ADAMTSL1: variants seen among roughly 807,000 people sequenced by gnomAD.
ADAMTSL1 encodes the protein ADAMTS like 1.
A neutral mutation model predicts 201.8 loss-of-function variants in ADAMTSL1; 126 were observed. The ratio of observed to expected loss-of-function variants is 0.62; its 90% CI spans 0.54 to 0.72. The LOEUF is 0.72. Ranked by LOEUF, ADAMTSL1 falls within the 30% of genes least tolerant of loss-of-function variation. The probability of loss-of-function intolerance (pLI) is 0.00; values close to 1 mark genes in which losing one functional copy is unlikely to be tolerated. For synonymous variants in ADAMTSL1, 1,121 were observed against 903.4 expected (o/e 1.24, Z -4.32); for missense variants, 2,679 against 2,277.8 (o/e 1.18, Z -3.59).
intron 1 of ADAMTSL1, among the ~76,000 whole-genome samples, chr9:17,971,810 C>T (rs1194795610): frequency 3.3e-5 from 5 of 151,718 alleles, no homozygotes; most frequent in Non-Finnish European, 7.4e-5. Flanking sequence ...GGAGATTATC[C>T]TTTTTATTAT....
chr9:18,833,746 A>C (rs1226189313), intron 23 of ADAMTSL1, among the ~76,000 whole-genome samples: 1 of 152,072 alleles, frequency 6.6e-6, no homozygotes, highest in Non-Finnish European at 1.5e-5. Context: ...TGGTGTCTTC[A>C]TCATGAAACC....
intron 1 of ADAMTSL1, among the ~76,000 whole-genome samples, chr9:17,997,989 A>G (rs1196394040): frequency 1.3e-5 from 2 of 152,040 alleles, no homozygotes; most frequent in Non-Finnish European, 2.9e-5. Flanking sequence ...ATAGAAATAG[A>G]AGCAGTATTC....
intron 23 of ADAMTSL1, among the ~76,000 whole-genome samples, chr9:18,868,139 A>G (rs1211166689): frequency 1.3e-5 from 2 of 152,156 alleles, no homozygotes; most frequent in Admixed American, 1.3e-4. Flanking sequence ...TTTTTATTTC[A>G]GAAAATATAT....
chr9:18,177,666 T>G (rs1563787812), intron 2 of ADAMTSL1, among the ~76,000 whole-genome samples: 1 of 152,040 alleles, frequency 6.6e-6, no homozygotes, highest in African/African-American at 2.4e-5. Context: ...TTCCAGCCAG[T>G]GAGAAAGAGG....
intron 1 of ADAMTSL1, among the ~76,000 whole-genome samples, chr9:17,924,160 C>T (rs1826423686): frequency 6.6e-6 from 1 of 150,966 alleles, no homozygotes; most frequent in South Asian, 2.1e-4. Flanking sequence ...TGGGAGGATT[C>T]CCTCTTTTTC....
At chr9:18,031,134 G>C (rs1189656399) in intron 1 of ADAMTSL1, among the ~76,000 whole-genome samples, 1 of 152,098 alleles carries the variant, frequency 6.6e-6, no homozygotes, top group Non-Finnish European at 1.5e-5. Flanking sequence ...TTGCCGTCCA[G>C]ATTTTGAATT....
At chr9:18,034,231 C>T (rs116193609) in intron 1 of ADAMTSL1, among the ~76,000 whole-genome samples, 28 of 152,248 alleles carry the variant, frequency 1.8e-4, no homozygotes, top group African/African-American at 6.0e-4. Context: ...AGAAGCTAGC[C>T]TTCATTTCCC....
chr9:17,972,734 G>A (rs1156785567), intron 1 of ADAMTSL1, among the ~76,000 whole-genome samples: 2 of 150,022 alleles, frequency 1.3e-5, no homozygotes, highest in African/African-American at 4.9e-5. Flanking sequence ...CTGAGGAATT[G>A]CCACACTGAC....
Position 18,136,585 on chromosome 9 carries a change from T to C in ADAMTSL1, c.88-27277T>C, listed in dbSNP as rs755014659. ...CAGGAGAGAAAAGGGCTAGCTCTGTTTGTGGAAGTCAACTTGGGCTTCACA... is the reference window on the plus strand; with the variant it reads ...CAGGAGAGAAAAGGGCTAGCTCTGTCTGTGGAAGTCAACTTGGGCTTCACA... On this transcript the variant is annotated intron_variant, in intron 1 of 29. Transcript: ENST00000680146. 2.0e-5 allele frequency among the ~76,000 whole-genome samples: 3 copies of C among 152,016 alleles called. No homozygotes were observed. The South Asian group carries it at 6.2e-4, about 32-fold the overall frequency.
intron 1 of ADAMTSL1, among the ~76,000 whole-genome samples, chr9:18,091,596 C>T (rs753436423): frequency 7.9e-5 from 12 of 152,114 alleles, no homozygotes; most frequent in Non-Finnish European, 1.6e-4. Flanking sequence ...ACATTTGGGT[C>T]CTGATGCCAG....
intron 2 of ADAMTSL1, among the ~76,000 whole-genome samples, chr9:18,419,309 C>A (rs756336362): frequency 2.0e-4 from 30 of 152,052 alleles, no homozygotes; most frequent in Non-Finnish European, 3.5e-4. Flanking sequence ...TTAGACATGA[C>A]TCAAAAAAGC....
intron 14 of ADAMTSL1, among the ~76,000 whole-genome samples, chr9:18,718,934 G>C (rs1050816111): frequency 1.2e-4 from 18 of 152,264 alleles, no homozygotes; most frequent in African/African-American, 4.3e-4. Flanking sequence ...CTACCAAACA[G>C]GTAAATGAGT....
rs145062662 is a variant in ADAMTSL1, at chr9:18,689,611, A to C, written c.1574+4811A>C. Among the ~76,000 whole-genome samples the C allele has an allele frequency of 3.3e-5, 5 of 152,340 alleles. No individual in the cohort carries two copies. In the East Asian group the frequency reaches 9.6e-4, roughly 29 times the overall value. On this transcript the variant is annotated intron_variant, in intron 13 of 28. Transcript: ENST00000380548. ...CTCCAAAACAAGGCATCCCAGGTAG[A>C]GAAAGTGAGGACCAGTGCGGCACTT...
chr9:18,161,050 G>C (rs990195864), intron 1 of ADAMTSL1, among the ~76,000 whole-genome samples: 1 of 151,466 alleles, frequency 6.6e-6, no homozygotes, highest in Non-Finnish European at 1.5e-5. Flanking sequence ...TAAAAGTATT[G>C]GATAAATTGA....
intron 9 of ADAMTSL1, among the ~76,000 whole-genome samples, chr9:18,673,758 G>C (rs181715210): frequency 6.6e-6 from 1 of 152,084 alleles, no homozygotes. Context: ...ATGCATTTCT[G>C]CATTTAGAAA....
chr9:18,317,142 C>T (rs1027476706), intron 2 of ADAMTSL1, among the ~76,000 whole-genome samples: 9 of 151,902 alleles, frequency 5.9e-5, no homozygotes, highest in Admixed American at 1.3e-4. Context: ...AGGCAAATAC[C>T]GTATGATCTT....
At chr9:18,112,351 A>G (rs1276773346) in intron 1 of ADAMTSL1, among the ~76,000 whole-genome samples, 1 of 152,066 alleles carries the variant, frequency 6.6e-6, no homozygotes, top group Non-Finnish European at 1.5e-5. Flanking sequence ...TAATAGGTAT[A>G]GTGTGCTTCA....
intron 7 of ADAMTSL1, among the ~76,000 whole-genome samples, chr9:18,650,388 G>A (rs1028037906): frequency 4.6e-5 from 7 of 152,018 alleles, no homozygotes; most frequent in African/African-American, 7.2e-5. Context: ...TGCACAGCGC[G>A]CTGCACCCAC....
intron 4 of ADAMTSL1, among the ~76,000 whole-genome samples, chr9:18,606,954 G>C (rs367908995): frequency 2.0e-5 from 3 of 152,102 alleles, no homozygotes; most frequent in Non-Finnish European, 4.4e-5. Context: ...AAGACAAAAG[G>C]TTTTGTGGCT....
Sources: gnomAD v4.1 joint callset for allele counts (sites outside exome capture counted in the v4.1 genomes callset) on GRCh38, gnomAD v4.1.1 for gene constraint, MANE v1.5 for transcripts, NCBI Gene and HGNC (gene_info 2026-07-23, HGNC 2026-07-21) for gene names.